CIDEC: variants seen among roughly 807,000 people sequenced by gnomAD.
CIDEC encodes the protein cell death inducing DFFA like effector c.
In CIDEC, 11 loss-of-function variants were observed where a neutral mutation model predicts 21.9. That is an observed-to-expected ratio of 0.50 (90% CI 0.32 to 0.83). CIDEC has a LOEUF of 0.83. Ranked by LOEUF, CIDEC falls within the 40% of genes least tolerant of loss-of-function variation. The pLI, the probability that CIDEC is intolerant of heterozygous loss-of-function variation, is 0.04. For synonymous variants in CIDEC, 127 were observed against 124.9 expected (o/e 1.02, Z -0.11); for missense variants, 302 against 302.3 (o/e 1.00, Z 0.01).
In CIDEC at chr3:9,866,891, C is replaced by A. The variant is rs1415059171; in HGVS notation, c.*243G>T. The A allele has an allele frequency of 6.4e-6, 4 of 620,762 alleles. No homozygotes were observed. Among genetic ancestry groups the A allele is most frequent in the East Asian group, 5.5e-5 (2 of 36,592 alleles). The allele number at this position is 620,762 out of a possible 1,614,324, so 38.5% of individuals were successfully genotyped here. On this transcript the variant is annotated 3_prime_UTR_variant, in exon 7 of 7. Coordinates refer to ENST00000336832, the MANE Select transcript of CIDEC (RefSeq NM_001321142.2). ...CCAATGGAGGGACAGACTTCAGGAC[C>A]AGTCTGGATGGGCTAAGCTGCCTTG... is the stretch of plus-strand genomic sequence containing the variant.
At chr3:9,870,982 A>G in intron 4 of CIDEC, among the ~76,000 whole-genome samples, 1 of 151,778 alleles carries the variant, frequency 6.6e-6, no homozygotes, top group South Asian at 2.1e-4. Flanking sequence ...ATATTCTACT[A>G]TATAGATATA....
rs1474637843 is a variant in CIDEC, at chr3:9,867,101, T to C, written c.*33A>G. Reference sequence around the variant, plus strand: ...TAAGCGTGAGGCCCCCAGTCAGTCCTTCACTGGGGAAAGCTTCCAAGGACT... The same window carrying C: ...TAAGCGTGAGGCCCCCAGTCAGTCCCTCACTGGGGAAAGCTTCCAAGGACT... On this transcript the variant is annotated 3_prime_UTR_variant, in exon 7 of 7. Transcript: ENST00000336832. 6.2e-7 allele frequency: 1 copy of C among 1,608,670 alleles called. No homozygotes were observed. Among genetic ancestry groups the C allele is most frequent in the Non-Finnish European group, 8.5e-7 (1 of 1,176,600 alleles).
intron 4 of CIDEC, among the ~76,000 whole-genome samples, chr3:9,871,072 G>T (rs932822940): frequency 3.3e-5 from 5 of 151,120 alleles, no homozygotes; most frequent in Admixed American, 3.3e-4. Context: ...GCTGCTATGA[G>T]TTTTTGTGTA....
intron 4 of CIDEC, among the ~76,000 whole-genome samples, chr3:9,872,040 G>C (rs2082355485): frequency 6.6e-6 from 1 of 151,692 alleles, no homozygotes; most frequent in African/African-American, 2.4e-5. Flanking sequence ...CGAACTCCTG[G>C]ATGCTCAGGC....
intron 1 of CIDEC, among the ~76,000 whole-genome samples, chr3:9,879,948 A>T (rs181184718): frequency 1.3e-3 from 194 of 152,168 alleles, no homozygotes; most frequent in African/African-American, 4.5e-3. Context: ...CATAAAACAA[A>T]AGTCCCCTTG....
chr3:9,869,258 T>G (rs149103471), intron 6 of CIDEC, among the ~76,000 whole-genome samples: 2 of 152,194 alleles, frequency 1.3e-5, no homozygotes, highest in African/African-American at 4.8e-5. Context: ...TGCTTTTTTT[T>G]GTTTTTTTTT....
intron 1 of CIDEC, among the ~76,000 whole-genome samples, chr3:9,879,746 TA>T (rs2082479273): frequency 1.3e-5 from 2 of 152,256 alleles, no homozygotes; most frequent in Middle Eastern, 3.4e-3. Context: ...TTCCACTCTT[TA>T]AAAGGAAAGT....
intron 6 of CIDEC, 106 bp downstream of exon 6, chr3:9,869,776 A>G (rs1462613558): frequency 9.6e-7 from 1 of 1,046,454 alleles, no homozygotes; most frequent in African/African-American, 1.6e-5. Flanking sequence ...CTTTGTCAGC[A>G]CCAAAGCCAG....
chr3:9,869,817 G>T, intron 6 of CIDEC, 65 bp downstream of exon 6: 1 of 1,465,254 alleles, frequency 6.8e-7, no homozygotes, highest in Non-Finnish European at 9.5e-7. Flanking sequence ...GAGTCCATGT[G>T]GACAGATAGG....
At chr3:9,870,935 C>T (rs931437235) in intron 4 of CIDEC, among the ~76,000 whole-genome samples, 8 of 151,794 alleles carry the variant, frequency 5.3e-5, no homozygotes, top group South Asian at 2.1e-4. Context: ...CTATCACGTC[C>T]GGACATAATT....
rs761895408 is a variant in CIDEC at position 9,870,173 on chromosome 3, TG to T, written c.356del (p.Pro119HisfsTer25). 3 of 1,613,944 alleles carry T rather than the reference TG, an allele frequency of 1.9e-6. No individual in the cohort carries two copies. In the Admixed American group the frequency reaches 5.0e-5, roughly 27 times the overall value. ...ACAGGTGGGACCTCACCTGTTCTGA[TG>T]GGGGCTGCCATTTCTGCCCCTTCTG... ...VLQKGQKWQP[P>X]SEQGTRHPLS... On this transcript the variant is annotated frameshift_variant, in exon 5 of 7. Coordinates refer to ENST00000336832, the MANE Select transcript of CIDEC (RefSeq NM_001321142.2). LOFTEE classifies it high-confidence loss of function.
At chr3:9,868,880 A>G (rs1575446339) in intron 6 of CIDEC, among the ~76,000 whole-genome samples, 1 of 152,224 alleles carries the variant, frequency 6.6e-6, no homozygotes, top group Admixed American at 6.5e-5. Context: ...ACACAGTAGT[A>G]TGGTCATATC....
chr3:9,867,206 A>T lies in CIDEC; in HGVS notation c.645T>A (p.Ala215=). 1 of 1,614,082 alleles carries T rather than the reference A, an allele frequency of 6.2e-7. No individual in the cohort carries two copies. The highest frequency in any genetic ancestry group is 8.5e-7 in the Non-Finnish European group (1 of 1,179,994). ...CCTTGGGGGGCTGCCCTTCCTCCGT[A>T]GCATCGAGGAGCTGCTGCAGGTAAC... The part of the protein sequence containing the change: ...TSCYLQQLLD[A]TEEGQPPKGK... The change falls in exon 7 of 7, where the codon GCT becomes GCA. Residue 215 remains alanine, a synonymous_variant. Coordinates refer to ENST00000336832, the MANE Select transcript of CIDEC (RefSeq NM_001321142.2).
At chr3:9,875,967 T>A (rs2082416731) in intron 4 of CIDEC, among the ~76,000 whole-genome samples, 2 of 152,206 alleles carry the variant, frequency 1.3e-5, no homozygotes, top group Admixed American at 1.3e-4. Flanking sequence ...AAATGTAGTC[T>A]GCGCAGCCAG....
rs147072100 is a variant in CIDEC, at chr3:9,867,257, T to C, written c.594A>G (p.Thr198=). 497 of 1,614,142 alleles carry C rather than the reference T, an allele frequency of 3.1e-4. No individual in the cohort carries two copies. The highest frequency in any genetic ancestry group is 8.3e-4 in the Middle Eastern group (5 of 6,048). The part of the protein sequence containing the change: ...FRWALFSMQA[T]GHVLLGTSCY... ...AGGAGGTGCCAAGCAGTACGTGGCCTGTGGCCTGCATGCTGAAGAGGGCCC... is the reference window on the plus strand; with the variant it reads ...AGGAGGTGCCAAGCAGTACGTGGCCCGTGGCCTGCATGCTGAAGAGGGCCC... Residue 198 remains threonine (T), a synonymous_variant, in exon 7 of 7, where the codon ACA becomes ACG. Coordinates refer to ENST00000336832, the MANE Select transcript of CIDEC (RefSeq NM_001321142.2).
chr3:9,871,173 A>ATTTTT (rs59917579), intron 4 of CIDEC, among the ~76,000 whole-genome samples: 1 of 120,166 alleles, frequency 8.3e-6, no homozygotes. Flanking sequence ...TCTATGTTTA[A>ATTTTT]TTTTTTTTTT....
chr3:9,867,435 C>G (rs1039720071), intron 6 of CIDEC, 139 bp from the exon 7 acceptor site: 16 of 801,972 alleles, frequency 2.0e-5, no homozygotes, highest in Non-Finnish European at 3.1e-5. Context: ...GCATGGCCAA[C>G]ATGGCGAATC....
At chr3:9,868,326 C>T (rs979575395) in intron 6 of CIDEC, among the ~76,000 whole-genome samples, 6 of 152,222 alleles carry the variant, frequency 3.9e-5, no homozygotes, top group African/African-American at 1.4e-4. Flanking sequence ...TGAGGCCTGT[C>T]CAAGCCACCT....
intron 1 of CIDEC, among the ~76,000 whole-genome samples, chr3:9,879,308 C>A (rs2082474029): frequency 6.6e-6 from 1 of 152,062 alleles, no homozygotes; most frequent in Non-Finnish European, 1.5e-5. Context: ...CCTGCCACCA[C>A]GCCCAGCTAA....
Sources: gnomAD v4.1 joint callset for allele counts (sites outside exome capture counted in the v4.1 genomes callset) on GRCh38, gnomAD v4.1.1 for gene constraint, MANE v1.5 for transcripts, NCBI Gene and HGNC (gene_info 2026-07-23, HGNC 2026-07-21) for gene names.